Variants in NRG1 observed in about 807,000 individuals in gnomAD.
NRG1 encodes neuregulin 1, also known as pro-neuregulin-1, membrane-bound isoform.
In NRG1, 18 loss-of-function variants were observed where a neutral mutation model predicts 63.8. That is an observed-to-expected ratio of 0.28 (90% CI 0.19 to 0.42). NRG1 has a LOEUF of 0.42. NRG1 is among the 10% of genes least tolerant of loss of function. The pLI is 1.00. For missense variants in NRG1, 762 were observed against 814.7 expected, an observed-to-expected ratio of 0.94 and a Z score of 0.79; for synonymous variants, 302 against 301.3, an observed-to-expected ratio of 1.00 and a Z score of -0.02.
At chr8:32,162,907 A>T (rs1283731166) in intron 1 of NRG1, among the ~76,000 whole-genome samples, 2 of 152,164 alleles carry the variant, frequency 1.3e-5, no homozygotes, top group Non-Finnish European at 2.9e-5. Flanking sequence ...GGAGGGGTGC[A>T]ATATGAACCA....
Position 31,770,253 on chromosome 8 carries a change from T to C in NRG1, c.37+130822T>C, listed in dbSNP as rs1041778257. Among the ~76,000 whole-genome samples the C allele has an allele frequency of 2.0e-5, 3 of 152,324 alleles. No individual in the cohort carries two copies. The East Asian group carries it at 5.8e-4, about 29-fold the overall frequency. ...CGTGTGAGTTAAGAAAAACTTCTGA[T>C]ACTAAATTATTTATAGTTAAACCTC... On this transcript the variant is annotated intron_variant, in intron 1 of 10. Transcript: ENST00000519301.
chr8:31,825,020 A>C (rs1824400520), intron 1 of NRG1, among the ~76,000 whole-genome samples: 2 of 152,292 alleles, frequency 1.3e-5, no homozygotes, highest in Non-Finnish European at 2.9e-5. Context: ...CATGCAGGTA[A>C]AAAAATCGCC....
intron 6 of NRG1, among the ~76,000 whole-genome samples, chr8:32,735,113 A>G (rs1824672924): frequency 2.0e-5 from 3 of 152,228 alleles, no homozygotes; most frequent in Admixed American, 2.0e-4. Context: ...ATAAAAAAAG[A>G]GTATGCAGTC....
intron 1 of NRG1, among the ~76,000 whole-genome samples, chr8:32,059,019 C>T (rs1823421515): frequency 6.6e-6 from 1 of 151,864 alleles, no homozygotes; most frequent in South Asian, 2.1e-4. Flanking sequence ...ATTATTATGG[C>T]CACATAAAAA....
chr8:32,438,144 C>A (rs760010043), intron 1 of NRG1, among the ~76,000 whole-genome samples: 1 of 152,182 alleles, frequency 6.6e-6, no homozygotes, highest in Non-Finnish European at 1.5e-5. Context: ...TTCATCCAGG[C>A]ATCCCCTGTG....
chr8:32,231,531 A>G (rs1846941043), intron 1 of NRG1, among the ~76,000 whole-genome samples: 1 of 152,144 alleles, frequency 6.6e-6, no homozygotes, highest in African/African-American at 2.4e-5. Flanking sequence ...TCTTTAGTTT[A>G]TATTGCTGTC....
Position 31,755,304 on chromosome 8 carries a change from C to T in NRG1, c.37+115873C>T, listed in dbSNP as rs961239543. 8.5e-5 allele frequency among the ~76,000 whole-genome samples: 13 copies of T among 152,202 alleles called. No homozygotes were observed. The South Asian group carries it at 1.5e-3, about 17-fold the overall frequency. On this transcript the variant is annotated intron_variant, in intron 1 of 10. Coordinates refer to the NRG1 transcript ENST00000519301. ...CCAGTCTTGATACCCCAACATATAA[C>T]GTCTTGCTAATCACCCTCACATAGC...
At chr8:31,926,505 T>G (rs1013803579) in intron 1 of NRG1, among the ~76,000 whole-genome samples, 1 of 152,186 alleles carries the variant, frequency 6.6e-6, no homozygotes, top group Non-Finnish European at 1.5e-5. Context: ...TATTCTGTTA[T>G]AGCTGGAAGC....
At chr8:31,803,683 A>T (rs1376896030) in intron 1 of NRG1, among the ~76,000 whole-genome samples, 2 of 152,170 alleles carry the variant, frequency 1.3e-5, no homozygotes. Flanking sequence ...TAAAAAGTAT[A>T]ATTTGATCAT....
At position 31,806,292 on chromosome 8, in the gene NRG1, T is replaced by A. The variant is rs561428410; in HGVS notation, c.37+166861T>A. ...TCTACAACAAGTGGAATGATTTACATGAATGTCAAATAACTGGTTTATAAA... is the reference window on the plus strand; with the variant it reads ...TCTACAACAAGTGGAATGATTTACAAGAATGTCAAATAACTGGTTTATAAA... On this transcript the variant is annotated intron_variant, in intron 1 of 10. Transcript: ENST00000519301. 6.6e-5 allele frequency among the ~76,000 whole-genome samples: 10 copies of A among 152,284 alleles called. 1 individual carries two copies. In the South Asian group the frequency reaches 2.1e-3, roughly 32 times the overall value.
chr8:32,361,988 C>A (rs1807276022), intron 1 of NRG1, among the ~76,000 whole-genome samples: 1 of 152,168 alleles, frequency 6.6e-6, no homozygotes. Flanking sequence ...CCCATGAGCT[C>A]TCCAGAGATG....
intron 1 of NRG1, among the ~76,000 whole-genome samples, chr8:31,755,262 T>C (rs1303553330): frequency 6.6e-6 from 1 of 152,120 alleles, no homozygotes; most frequent in Non-Finnish European, 1.5e-5. Flanking sequence ...TATATAAACA[T>C]GTCTATACCT....
intron 1 of NRG1, among the ~76,000 whole-genome samples, chr8:31,914,464 A>G (rs1209450426): frequency 6.6e-6 from 1 of 151,560 alleles, no homozygotes; most frequent in East Asian, 1.9e-4. Flanking sequence ...GAGAAAATAT[A>G]GAATTTAATT....
chr8:32,762,703 G>A (rs534039612), intron 11 of NRG1, among the ~76,000 whole-genome samples: 1 of 152,310 alleles, frequency 6.6e-6, no homozygotes, highest in Non-Finnish European at 1.5e-5. Context: ...CTCTGTGAAT[G>A]CCAGTGTGAA....
At chr8:31,802,981 T>C (rs187607300) in intron 1 of NRG1, among the ~76,000 whole-genome samples, 1 of 152,302 alleles carries the variant, frequency 6.6e-6, no homozygotes, top group African/African-American at 2.4e-5. Context: ...TTTGTGGGCA[T>C]CATAGCACAG....
Position 32,765,339 on chromosome 8 carries a change from T to C in NRG1, c.*937T>C, listed in dbSNP as rs1042685411. 7.2e-5 allele frequency: 11 copies of C among 152,130 alleles called. No homozygotes were observed. In the South Asian group the frequency reaches 2.3e-3, roughly 31 times the overall value. 9.4% of individuals were successfully genotyped at this position (152,130 alleles called of 1,614,324 possible). A position where few individuals can be genotyped will look rare whatever the true frequency, so the allele number is the denominator to read the frequency against. On this transcript the variant is annotated 3_prime_UTR_variant, in exon 12 of 12. Transcript: ENST00000356819. ...TAGTGATTGGTTGTGTCTTCTTGGC[T>C]CAAAAAGAAGCATATTACGGCACAA... is the stretch of plus-strand genomic sequence containing the variant.
intron 1 of NRG1, among the ~76,000 whole-genome samples, chr8:32,238,206 T>C (rs920323940): frequency 4.6e-5 from 7 of 152,100 alleles, no homozygotes; most frequent in Non-Finnish European, 8.8e-5. Context: ...CTCATGCCTG[T>C]AATCCCAGCA....
chr8:31,904,023 C>T (rs143160939), intron 1 of NRG1, among the ~76,000 whole-genome samples: 1 of 152,238 alleles, frequency 6.6e-6, no homozygotes, highest in South Asian at 2.1e-4. Context: ...CTTCTAAAAA[C>T]TCAGTTTCCA....
intron 1 of NRG1, among the ~76,000 whole-genome samples, chr8:32,451,978 A>G (rs1821014046): frequency 6.6e-6 from 1 of 151,998 alleles, no homozygotes. Context: ...GGCTCGTGCT[A>G]CCACGCCCCA....
Sources: allele counts gnomAD v4.1 joint callset (sites outside exome capture counted in the v4.1 genomes callset), GRCh38; gene constraint gnomAD v4.1.1; transcripts MANE v1.5; gene names NCBI Gene and HGNC (gene_info 2026-07-23, HGNC 2026-07-21).